The following SNX6 variants were observed in gnomAD, a reference collection of about 807,000 sequenced individuals.
SNX6 encodes sorting nexin-6.
SNX6 carries 34 observed loss-of-function variants against 63.0 expected under a neutral mutation model. The observed-to-expected ratio is 0.54, with a 90% CI of 0.41 to 0.72. The LOEUF is 0.72. SNX6 is among the 30% of genes least tolerant of loss of function. SNX6 has a pLI of 0.00. For missense variants in SNX6, 398 were observed against 471.4 expected (o/e 0.84, Z 1.44); for synonymous variants, 170 against 164.2 (o/e 1.04, Z -0.27).
At chr14:34,571,723 T>C (rs1843985818) in intron 11 of SNX6, among the ~76,000 whole-genome samples, 1 of 152,208 alleles carries the variant, frequency 6.6e-6, no homozygotes, top group African/African-American at 2.4e-5. Context: ...TTTTTATTAC[T>C]GAGTACTATT....
intron 6 of SNX6, among the ~76,000 whole-genome samples, chr14:34,600,769 G>GGCTCA (rs1882779729): frequency 6.6e-6 from 1 of 152,140 alleles, no homozygotes; most frequent in African/African-American, 2.4e-5. Context: ...CAGGCATGGT[G>GGCTCA]GCTCACACCT....
intron 5 of SNX6, chr14:34,604,105 C>T (rs984545919): frequency 4.2e-6 from 5 of 1,181,500 alleles, no homozygotes; most frequent in Admixed American, 8.0e-5. Context: ...CTTGCTTCAA[C>T]TACGTGCAAG....
chr14:34,586,092 G>T (rs1006080242), intron 9 of SNX6, 138 bp downstream of exon 9: 3 of 398,112 alleles, frequency 7.5e-6, no homozygotes, highest in Non-Finnish European at 1.4e-5. Context: ...TAGTAGAGAC[G>T]GGGTTTCACC....
intron 6 of SNX6, among the ~76,000 whole-genome samples, chr14:34,599,089 G>A (rs1201195192): frequency 1.3e-5 from 2 of 152,174 alleles, no homozygotes; most frequent in Admixed American, 1.3e-4. Context: ...CTAGCACCCT[G>A]ATCTTGGGCT....
chr14:34,565,941 G>A (rs758564182), intron 13 of SNX6, among the ~76,000 whole-genome samples: 6 of 149,668 alleles, frequency 4.0e-5, no homozygotes, highest in Non-Finnish European at 7.4e-5. Flanking sequence ...CACCCGCCTC[G>A]GCCTCCCAAA....
At chr14:34,564,018 C>T (rs900735321) in intron 13 of SNX6, among the ~76,000 whole-genome samples, 1 of 151,138 alleles carries the variant, frequency 6.6e-6, no homozygotes, top group Non-Finnish European at 1.5e-5. Context: ...TGATTACAGG[C>T]GTGAGCCACT....
At chr14:34,602,094 A>G (rs1336269700) in intron 6 of SNX6, among the ~76,000 whole-genome samples, 1 of 151,178 alleles carries the variant, frequency 6.6e-6, no homozygotes, top group Non-Finnish European at 1.5e-5. Context: ...GTTCGAGACC[A>G]GCCTGGCCAA....
At chr14:34,571,305 C>T (rs960788121) in intron 11 of SNX6, among the ~76,000 whole-genome samples, 3 of 151,692 alleles carry the variant, frequency 2.0e-5, no homozygotes, top group Non-Finnish European at 1.5e-5. Flanking sequence ...TGGTGGTGGG[C>T]GCCTGCAGTG....
chr14:34,584,841 C>G (rs1369636677), intron 9 of SNX6, among the ~76,000 whole-genome samples: 3 of 151,556 alleles, frequency 2.0e-5, no homozygotes, highest in Non-Finnish European at 2.9e-5. Context: ...AATATCAACC[C>G]AAGTTTTTTC....
At chr14:34,624,573 G>A (rs566312438) in intron 2 of SNX6, among the ~76,000 whole-genome samples, 8 of 151,184 alleles carry the variant, frequency 5.3e-5, no homozygotes, top group African/African-American at 2.0e-4. Context: ...TGAGGAGGGT[G>A]GATCATGAAG....
chr14:34,616,026 G>T (rs932947865), intron 2 of SNX6, among the ~76,000 whole-genome samples: 1 of 152,164 alleles, frequency 6.6e-6, no homozygotes, highest in Non-Finnish European at 1.5e-5. Flanking sequence ...CGTGATCTTG[G>T]CTCACTGCAA....
chr14:34,590,223 T>C (rs930320684), intron 8 of SNX6, among the ~76,000 whole-genome samples: 5 of 151,690 alleles, frequency 3.3e-5, no homozygotes, highest in Non-Finnish European at 7.4e-5. Context: ...GGTGAGGAGA[T>C]TGAAACCATC....
In SNX6 at chr14:34,609,687, G is replaced by C; in HGVS notation, c.110C>G (p.Ser37Cys). 1 of 1,613,480 alleles carries C rather than the reference G, an allele frequency of 6.2e-7. No homozygotes were observed. The highest frequency in any genetic ancestry group is 2.2e-5 in the East Asian group (1 of 44,834). Residue 37 changes from serine (S) to cysteine (C), a missense_variant, in exon 3 of 14, where the codon TCT becomes TGT. Coordinates refer to ENST00000362031, the MANE Select transcript of SNX6 (RefSeq NM_152233.4). Reference protein sequence around the residue: ...QSDAALQVDISDALSERDKVK... With the variant: ...QSDAALQVDICDALSERDKVK... Reference sequence around the variant, plus strand: ...TTTATCCCGCTCACTAAGAGCATCAGAAATGTCCACCTGCAGAGCAGCATC... The same window carrying C: ...TTTATCCCGCTCACTAAGAGCATCACAAATGTCCACCTGCAGAGCAGCATC...
At chr14:34,566,179 ATT>A (rs1030267798) in intron 13 of SNX6, among the ~76,000 whole-genome samples, 2 of 152,224 alleles carry the variant, frequency 1.3e-5, no homozygotes, top group Non-Finnish European at 2.9e-5. Context: ...TTATCAAAAC[ATT>A]TTGACAGGGT....
chr14:34,625,086 T>G (rs1883775699), intron 2 of SNX6, among the ~76,000 whole-genome samples: 1 of 151,838 alleles, frequency 6.6e-6, no homozygotes, highest in African/African-American at 2.4e-5. Context: ...CAGCTAATTT[T>G]CTGTATTTTT....
intron 6 of SNX6, among the ~76,000 whole-genome samples, chr14:34,601,311 C>T (rs111485941): frequency 0.027 from 4,080 of 151,828 alleles, 187 homozygotes; most frequent in African/African-American, 0.092. Flanking sequence ...CTGCAACCTC[C>T]GCCTCCCGGG....
intron 2 of SNX6, chr14:34,629,430 C>T (rs1416183470): frequency 1.1e-5 from 5 of 456,846 alleles, no homozygotes; most frequent in Admixed American, 4.7e-5. Flanking sequence ...CTATAAAAAT[C>T]CTTGCAAAAT....
chr14:34,619,398 G>A (rs895899744), intron 2 of SNX6, among the ~76,000 whole-genome samples: 1 of 151,230 alleles, frequency 6.6e-6, no homozygotes, highest in South Asian at 2.1e-4. Flanking sequence ...CTCCAGCCTC[G>A]GTAACAGAAC....
chr14:34,582,778 A>C (rs916363138), intron 9 of SNX6, among the ~76,000 whole-genome samples: 3 of 151,674 alleles, frequency 2.0e-5, no homozygotes, highest in Admixed American at 2.0e-4. Context: ...CCTGGCCTCA[A>C]GTGATCTGCC....
Sources: gnomAD v4.1 joint callset for allele counts (sites outside exome capture counted in the v4.1 genomes callset) on GRCh38, gnomAD v4.1.1 for gene constraint, MANE v1.5 for transcripts, NCBI Gene and HGNC (gene_info 2026-07-23, HGNC 2026-07-21) for gene names.